Variants in CCDC27 observed in about 807,000 individuals in gnomAD.
The protein encoded by CCDC27 is coiled-coil domain containing 27, also known as coiled-coil domain-containing protein 27.
In CCDC27, 80 loss-of-function variants were observed where a neutral mutation model predicts 80.3. The ratio of observed to expected loss-of-function variants is 1.00; its 90% confidence interval spans 0.83 to 1.20. The LOEUF is 1.20. Among genes scored for constraint, CCDC27 ranks in the 50% most tolerant of loss-of-function variants. The pLI, the probability that CCDC27 is intolerant of heterozygous loss-of-function variation, is 0.00. For synonymous variants in CCDC27, 342 were observed against 334.3 expected, an observed-to-expected ratio of 1.02 and a Z score of -0.25; for missense variants, 815 against 809.4, an observed-to-expected ratio of 1.01 and a Z score of -0.08.
intron 6 of CCDC27, 95 bp downstream of exon 6, chr1:3,762,807 C>A: frequency 8.3e-7 from 1 of 1,210,814 alleles, no homozygotes; most frequent in Non-Finnish European, 1.2e-6. Flanking sequence ...CCAAGTGTCC[C>A]TGCTGCAGCC....
chr1:3,756,906 G>A lies in CCDC27; in HGVS notation c.711+16G>A, dbSNP rs1173144789. The A allele has an allele frequency of 2.5e-6, 4 of 1,603,126 alleles. No individual in the cohort carries two copies. The African/African-American group carries it at 4.0e-5, about 16-fold the overall frequency. ...CCACGAGAAGGTACTGGCGGAGGGG[G>A]TGCAAATCCCGGCCCCCCACCCCTC... On this transcript the variant is annotated intron_variant, in intron 4 of 11. Transcript: ENST00000294600.
chr1:3,755,701 A>C (rs924153397), intron 3 of CCDC27, 134 bp downstream of exon 3: 1 of 735,584 alleles, frequency 1.4e-6, no homozygotes, highest in African/African-American at 1.7e-5. Context: ...CTCACACAGA[A>C]AGGCCTCCGG....
At chr1:3,752,873 G>T in intron 1 of CCDC27, 74 bp downstream of exon 1, 1 of 1,477,814 alleles carries the variant, frequency 6.8e-7, no homozygotes. Flanking sequence ...AAGGCCCATA[G>T]AGCTGTCAGC....
At chr1:3,759,569 C>T (rs1425735382) in intron 4 of CCDC27, among the ~76,000 whole-genome samples, 1 of 152,130 alleles carries the variant, frequency 6.6e-6, no homozygotes. Context: ...TCTCTGCATT[C>T]TTTTGAAACT....
At chr1:3,755,370 G>A (rs1642925646) in intron 2 of CCDC27, 87 bp from the exon 3 acceptor site, 1 of 1,154,958 alleles carries the variant, frequency 8.7e-7, no homozygotes. Flanking sequence ...CCTACCTGGT[G>A]TTTAAGGATA....
intron 4 of CCDC27, among the ~76,000 whole-genome samples, chr1:3,757,740 G>T (rs546856490): frequency 2.2e-4 from 33 of 152,100 alleles, no homozygotes; most frequent in African/African-American, 7.2e-4. Context: ...TGGCTAACAC[G>T]CGAAACCCCG....
Position 3,756,775 on chromosome 1 carries a change from A to T in CCDC27, c.596A>T (p.Tyr199Phe). The T allele has an allele frequency of 6.2e-7, 1 of 1,614,086 alleles. No homozygotes were observed. The highest frequency in any genetic ancestry group is 8.5e-7 in the Non-Finnish European group (1 of 1,179,996). The change falls in exon 4 of 12, where the codon TAC becomes TTC. Residue 199 changes from tyrosine to phenylalanine, a missense_variant. Transcript: ENST00000294600. ...PFSKSICEFD[Y>F]LRKRRKSQTL... ...AGTAAGAGCATCTGCGAGTTCGATT[A>T]CTTGCGGAAGAGGAGAAAATCCCAG...
chr1:3,762,641 C>A lies in CCDC27; in HGVS notation c.883C>A (p.Leu295Met). The change falls in exon 6 of 12, where the codon CTG (leucine) becomes ATG (methionine). Residue 295 changes from leucine (L) to methionine (M), a missense_variant. Leu to Met is a conservative substitution (Grantham distance 15). Transcript: ENST00000294600. ...GCAGGAGCAGCTCTCAGACGCTTCG[C>A]TGAAGCTGGGCAGGCTGAGCCTCCT... ...GRREQLSDAS[L>M]KLGRLSLLKA... 6.4e-7 allele frequency: 1 copy of A among 1,550,610 alleles called. No individual in the cohort carries two copies. Among genetic ancestry groups the A allele is most frequent in the Non-Finnish European group, 8.7e-7 (1 of 1,146,802 alleles).
intron 3 of CCDC27, 113 bp downstream of exon 3, chr1:3,755,680 C>G: frequency 1.1e-6 from 1 of 891,850 alleles, no homozygotes; most frequent in South Asian, 1.4e-5. Flanking sequence ...GGACTGTCTG[C>G]CTCCTGAGGA....
chr1:3,752,698 A>G lies in CCDC27; in HGVS notation c.217A>G (p.Met73Val). Residue 73 changes from methionine to valine, a missense_variant, in exon 1 of 12, where the codon ATG becomes GTG. Met to Val is a conservative substitution (Grantham distance 21). Transcript: ENST00000294600. ...MARALVLLQS[M>V]ASRDARCPEW... ...CAGGGCCCTGGTGCTCCTCCAGAGCATGGCCAGCCGGGACGCCCGGTGCCC... is the reference window on the plus strand; with the variant it reads ...CAGGGCCCTGGTGCTCCTCCAGAGCGTGGCCAGCCGGGACGCCCGGTGCCC... 1 of 1,613,966 alleles carries G rather than the reference A, an allele frequency of 6.2e-7. No individual in the cohort carries two copies.
intron 4 of CCDC27, among the ~76,000 whole-genome samples, chr1:3,758,755 C>T (rs950068002): frequency 6.6e-6 from 1 of 152,136 alleles, no homozygotes; most frequent in Admixed American, 6.5e-5. Flanking sequence ...GCCACCATGC[C>T]CATTAATTTT....
chr1:3,764,252 T>G (rs1460118376), intron 8 of CCDC27, among the ~76,000 whole-genome samples: 1 of 152,236 alleles, frequency 6.6e-6, no homozygotes, highest in Non-Finnish European at 1.5e-5. Context: ...CTTATCAAAG[T>G]TATTCATGCA....
At chr1:3,770,014 T>C (rs1450447540) in intron 11 of CCDC27, 127 bp downstream of exon 11, 13 of 707,644 alleles carry the variant, frequency 1.8e-5, no homozygotes, top group Admixed American at 1.1e-4. Context: ...ACCTATTCAC[T>C]TGGACCCCAG....
chr1:3,757,091 G>A lies in CCDC27; in HGVS notation c.711+201G>A. On this transcript the variant is annotated intron_variant, in intron 4 of 11. Transcript: ENST00000294600. ...CTGTCCATCCTCACCCCAGTGGGTGGCAGTTACGCCGGCATGGAACTCAGA... is the reference window on the plus strand; with the variant it reads ...CTGTCCATCCTCACCCCAGTGGGTGACAGTTACGCCGGCATGGAACTCAGA... 11 of 540,420 alleles carry A rather than the reference G, an allele frequency of 2.0e-5. No individual in the cohort carries two copies. In the South Asian group the frequency reaches 2.6e-4, roughly 13 times the overall value. The allele number at this position is 540,420 out of a possible 1,614,324, so 33.5% of individuals were successfully genotyped here.
At position 3,771,523 on chromosome 1, in the gene CCDC27, G is replaced by A; in HGVS notation, c.1971G>A (p.Ter657=). The change falls in exon 12 of 12, where the codon TAG becomes TAA. Residue 657 remains the stop codon, a stop_retained_variant. Coordinates refer to ENST00000294600, the MANE Select transcript of CCDC27 (RefSeq NM_152492.3). The part of the protein sequence containing the change: ...TSKSKKGTSK[*] ...AATCCAAGAAGGGGACCTCCAAGTA[G>A]GCCCAGCCAGGCCCCCAAATACGGT... 6.2e-7 allele frequency: 1 copy of A among 1,613,140 alleles called. No individual in the cohort carries two copies. Among genetic ancestry groups the A allele is most frequent in the South Asian group, 1.1e-5 (1 of 91,058 alleles).
chr1:3,754,006 A>G, intron 1 of CCDC27, 112 bp from the exon 2 acceptor site: 1 of 1,481,822 alleles, frequency 6.7e-7, no homozygotes, highest in South Asian at 1.3e-5. Context: ...ACTCATAGGC[A>G]CCTGCCATTG....
intron 11 of CCDC27, 71 bp from the exon 12 acceptor site, chr1:3,771,330 T>C (rs1376436085): frequency 5.0e-6 from 8 of 1,601,866 alleles, no homozygotes; most frequent in Admixed American, 3.4e-5. Flanking sequence ...TGGCACGGAC[T>C]GTGCAGACCG....
intron 1 of CCDC27, among the ~76,000 whole-genome samples, chr1:3,753,235 C>T (rs920453064): frequency 3.9e-5 from 6 of 152,058 alleles, no homozygotes; most frequent in Admixed American, 1.3e-4. Flanking sequence ...TGGGGGAGCC[C>T]GAGATGGTCA....
chr1:3,762,626 C>T lies in CCDC27; in HGVS notation c.868C>T (p.Leu290Phe). Residue 290 changes from leucine to phenylalanine, a missense_variant, in exon 6 of 12, where the codon CTC becomes TTC. Transcript: ENST00000294600. ...TSMSPGRREQ[L>F]SDASLKLGRL... Reference sequence around the variant, plus strand: ...TCCCACGGGCGTCTTGCAGGAGCAGCTCTCAGACGCTTCGCTGAAGCTGGG... The same window carrying T: ...TCCCACGGGCGTCTTGCAGGAGCAGTTCTCAGACGCTTCGCTGAAGCTGGG... 1 of 1,550,726 alleles carries T rather than the reference C, an allele frequency of 6.4e-7. No individual in the cohort carries two copies. The highest frequency in any genetic ancestry group is 8.7e-7 in the Non-Finnish European group (1 of 1,146,758).
Sources: gnomAD v4.1 joint callset for allele counts (sites outside exome capture counted in the v4.1 genomes callset) on GRCh38, gnomAD v4.1.1 for gene constraint, MANE v1.5 for transcripts, NCBI Gene and HGNC (gene_info 2026-07-23, HGNC 2026-07-21) for gene names.